Variants in FBXO15 observed in about 807,000 individuals in gnomAD.
The protein encoded by FBXO15 is F-box only protein 15.
A neutral mutation model predicts 49.5 loss-of-function variants in FBXO15; 30 were observed. The ratio of observed to expected loss-of-function variants is 0.61; its 90% CI spans 0.45 to 0.82. FBXO15 has a LOEUF of 0.82. FBXO15 is among the 40% of genes least tolerant of loss of function. FBXO15 has a pLI of 0.00. For missense variants in FBXO15, 591 were observed against 631.5 expected, an observed-to-expected ratio of 0.94 and a Z score of 0.69; for synonymous variants, 250 against 232.7, an observed-to-expected ratio of 1.07 and a Z score of -0.68.
At chr18:74,104,321 A>G (rs1212454140) in intron 8 of FBXO15, among the ~76,000 whole-genome samples, 1 of 152,166 alleles carries the variant, frequency 6.6e-6, no homozygotes, top group Non-Finnish European at 1.5e-5. Context: ...ACAAATTAAA[A>G]TATTCTACCA....
chr18:74,078,009 C>A (rs112339001), intron 9 of FBXO15, among the ~76,000 whole-genome samples: 5 of 152,084 alleles, frequency 3.3e-5, no homozygotes, highest in East Asian at 1.9e-4. Flanking sequence ...CCATCACCTG[C>A]GAGAAGGTTG....
intron 3 of FBXO15, among the ~76,000 whole-genome samples, chr18:74,132,521 A>G (rs1978457100): frequency 6.6e-6 from 1 of 152,352 alleles, no homozygotes; most frequent in South Asian, 2.1e-4. Flanking sequence ...ATGTTCACAT[A>G]CATGATCATA....
Position 74,130,369 on chromosome 18 carries a change from A to G in FBXO15, c.575+47T>C. 1.9e-6 allele frequency: 3 copies of G among 1,608,120 alleles called. No individual in the cohort carries two copies. In the South Asian group the frequency reaches 3.3e-5, roughly 18 times the overall value. On this transcript the variant is annotated intron_variant, in intron 4 of 9. Coordinates refer to ENST00000419743, the MANE Select transcript of FBXO15 (RefSeq NM_001142958.2). The stretch of plus-strand genomic sequence containing the variant: ...ACTGCACATACGTCCTACGTACACG[A>G]TACTTTGAGCTGATGCCATCATTCT...
chr18:74,094,256 A>G (rs1452337778), intron 8 of FBXO15, among the ~76,000 whole-genome samples: 1 of 152,176 alleles, frequency 6.6e-6, no homozygotes, highest in African/African-American at 2.4e-5. Context: ...TAGATTTCTC[A>G]TGAATGCTTT....
chr18:74,140,858 A>G (rs1253390734), intron 1 of FBXO15: 1 of 152,274 alleles, frequency 6.6e-6, no homozygotes, highest in Non-Finnish European at 1.5e-5. Flanking sequence ...GCCAATTTGG[A>G]TAAAACAGAA....
rs61741369 is a variant in FBXO15, at chr18:74,140,213, C to T, written c.216G>A (p.Gly72=). 1,338 of 1,551,186 alleles carry T rather than the reference C, an allele frequency of 8.6e-4. 15 individuals are homozygous for T. The African/African-American group carries it at 0.016, about 19-fold the overall frequency. The stretch of plus-strand genomic sequence containing the variant: ...CTTCTGCTACTTACCCATCCAGGAA[C>T]CCAGAACAGCAGGAGAAAGAGCTCT... The part of the protein sequence containing the change: ...HWESSFSCCS[G]FLDGMPSEIL... Residue 72 remains glycine, a synonymous_variant, in exon 2 of 10, where the codon GGG becomes GGA. Transcript: ENST00000419743.
At chr18:74,094,401 C>A (rs915960545) in intron 8 of FBXO15, among the ~76,000 whole-genome samples, 1 of 152,158 alleles carries the variant, frequency 6.6e-6, no homozygotes, top group Non-Finnish European at 1.5e-5. Context: ...CTCCCCACTT[C>A]GCCTTCCACC....
intron 8 of FBXO15, among the ~76,000 whole-genome samples, chr18:74,094,806 G>A (rs943832839): frequency 6.6e-6 from 1 of 152,210 alleles, no homozygotes; most frequent in South Asian, 2.1e-4. Context: ...AAGCCAGGCA[G>A]TGACTTCTCT....
At chr18:74,145,031 T>C (rs1409636120) in intron 1 of FBXO15, among the ~76,000 whole-genome samples, 2 of 152,244 alleles carry the variant, frequency 1.3e-5, no homozygotes, top group African/African-American at 2.4e-5. Flanking sequence ...CACTCAAAGA[T>C]AGTTTTAAAT....
At chr18:74,133,316 T>C (rs1295774519) in intron 3 of FBXO15, among the ~76,000 whole-genome samples, 4 of 152,160 alleles carry the variant, frequency 2.6e-5, no homozygotes, top group African/African-American at 7.2e-5. Flanking sequence ...ACTAAAAGTA[T>C]GCAAAAAACA....
In FBXO15 at chr18:74,111,876, A is replaced by C. The variant is rs534944722; in HGVS notation, c.1138+11492T>G. ...GGGAATATCAGTGTAGCTCCCATGGATATTAAAAAGATAATAGGAGAATAC... is the reference window on the plus strand; with the variant it reads ...GGGAATATCAGTGTAGCTCCCATGGCTATTAAAAAGATAATAGGAGAATAC... On this transcript the variant is annotated intron_variant, in intron 8 of 9. Coordinates refer to ENST00000419743, the MANE Select transcript of FBXO15 (RefSeq NM_001142958.2). Among the ~76,000 whole-genome samples the C allele has an allele frequency of 4.6e-5, 7 of 152,302 alleles. No homozygotes were observed. The South Asian group carries it at 1.5e-3, about 32-fold the overall frequency.
At chr18:74,111,873 T>C (rs989719967) in intron 8 of FBXO15, among the ~76,000 whole-genome samples, 6 of 152,088 alleles carry the variant, frequency 3.9e-5, no homozygotes, top group Non-Finnish European at 8.8e-5. Flanking sequence ...GTAGCTCCCA[T>C]GGATATTAAA....
chr18:74,083,821 T>A (rs1454409186), intron 8 of FBXO15, among the ~76,000 whole-genome samples: 1 of 152,196 alleles, frequency 6.6e-6, no homozygotes, highest in Non-Finnish European at 1.5e-5. Context: ...ATGGAACAGA[T>A]GTGTGAAAGT....
rs992056415 is a variant in FBXO15, at chr18:74,075,131, C to T, written c.1264-1401G>A. Among the ~76,000 whole-genome samples, 1 of 152,200 alleles carries T rather than the reference C, an allele frequency of 6.6e-6. No individual in the cohort carries two copies. The highest frequency in any genetic ancestry group is 2.4e-5 in the African/African-American group (1 of 41,458). On this transcript the variant is annotated intron_variant, in intron 9 of 9. Transcript: ENST00000419743. The surrounding 1 kb of genome is among the most constrained non-coding windows in gnomAD (Gnocchi z 4.1). ...CCTCAGCTCGGCCTGACGGTCCCAC[C>T]CTGGCTCTCTGGGTGGCTCCCTCTC...
intron 8 of FBXO15, among the ~76,000 whole-genome samples, chr18:74,121,938 G>A (rs868110879): frequency 6.6e-5 from 10 of 152,068 alleles, no homozygotes; most frequent in South Asian, 2.1e-4. Context: ...ATAATAAAAC[G>A]CCCTCCACTT....
chr18:74,109,330 CAGATGCTTGAGAAGATATGGAGAAACAG>C (rs1913906734), intron 8 of FBXO15, among the ~76,000 whole-genome samples: 1 of 152,138 alleles, frequency 6.6e-6, no homozygotes, highest in Non-Finnish European at 1.5e-5. Flanking sequence ...CAGGAAACAA[CAGATGCTTGAGAAGATATGGAGAAACAG>C]GAATGCTTTT....
intron 8 of FBXO15, among the ~76,000 whole-genome samples, chr18:74,106,311 A>G (rs894169986): frequency 1.3e-5 from 2 of 152,190 alleles, no homozygotes; most frequent in Non-Finnish European, 2.9e-5. Flanking sequence ...CTGACATGCA[A>G]TTAAAAACCT....
intron 8 of FBXO15, among the ~76,000 whole-genome samples, chr18:74,109,528 A>G (rs1423787065): frequency 6.6e-6 from 1 of 152,218 alleles, no homozygotes. Context: ...ACACATGCAC[A>G]CATACGTTTA....
intron 8 of FBXO15, among the ~76,000 whole-genome samples, chr18:74,088,535 G>C (rs1363454003): frequency 6.6e-6 from 1 of 152,048 alleles, no homozygotes; most frequent in African/African-American, 2.4e-5. Context: ...TTATTTCTGG[G>C]CACTGTATTC....
Sources: gnomAD v4.1 joint callset for allele counts (sites outside exome capture counted in the v4.1 genomes callset) on GRCh38, gnomAD v4.1.1 for gene constraint, Gnocchi (gnomAD v3.1) non-coding constraint, MANE v1.5 for transcripts, NCBI Gene and HGNC (gene_info 2026-07-23, HGNC 2026-07-21) for gene names.